The following ASS1 variants were observed in gnomAD, a reference collection of about 807,000 sequenced individuals.
ASS1 encodes argininosuccinate synthase.
A neutral mutation model predicts 60.5 loss-of-function variants in ASS1; 58 were observed. The observed-to-expected ratio is 0.96, with a 90% CI of 0.78 to 1.19. The LOEUF (loss-of-function observed/expected upper bound fraction) is 1.19, where lower values mean the gene tolerates loss of function less well. Among genes scored for constraint, ASS1 ranks in the 50% most tolerant of loss-of-function variants. The pLI, the probability that ASS1 is intolerant of heterozygous loss-of-function variation, is 0.00. For missense variants in ASS1, 454 were observed against 547.3 expected (o/e 0.83, Z 1.70); for synonymous variants, 200 against 206.9 (o/e 0.97, Z 0.29).
At chr9:130,455,050 A>G (rs1845415334) in intron 3 of ASS1, among the ~76,000 whole-genome samples, 3 of 145,804 alleles carry the variant, frequency 2.1e-5, no homozygotes, top group South Asian at 2.2e-4. Flanking sequence ...CCATTCATCC[A>G]TCATCCATCC....
chr9:130,482,581 T>A (rs1288698705), intron 11 of ASS1, among the ~76,000 whole-genome samples: 1 of 149,994 alleles, frequency 6.7e-6, no homozygotes, highest in African/African-American at 2.5e-5. Flanking sequence ...TCCTGTGGGG[T>A]GGGGCGAGTC....
At chr9:130,462,806 C>G (rs936828126) in intron 4 of ASS1, among the ~76,000 whole-genome samples, 2 of 152,218 alleles carry the variant, frequency 1.3e-5, no homozygotes, top group Admixed American at 6.5e-5. Context: ...CCTCCTGGGG[C>G]TGCTCAAAGG....
rs1356550166 is a variant in ASS1, at chr9:130,494,698, G to C, written c.971-169G>C. 2.0e-5 allele frequency among the ~76,000 whole-genome samples: 3 copies of C among 152,246 alleles called. No individual in the cohort carries two copies. Among genetic ancestry groups the C allele is most frequent in the African/African-American group, 7.2e-5 (3 of 41,464 alleles). ...TTAGAGGGCAGGGCTATGAAAGCAT[G>C]GTCCTCAACTCAGCCACTGGCAAGC... On this transcript the variant is annotated intron_variant, in intron 12 of 14. Transcript: ENST00000352480. The surrounding 1 kb of genome is among the most constrained non-coding windows in gnomAD (Gnocchi z 4.3).
intron 5 of ASS1, among the ~76,000 whole-genome samples, chr9:130,465,847 G>A (rs1845726852): frequency 6.6e-6 from 1 of 152,236 alleles, no homozygotes; most frequent in Middle Eastern, 3.2e-3. Flanking sequence ...TGCTGCCAGC[G>A]AGGCCGCAGG....
chr9:130,444,983 C>A lies in ASS1; in HGVS notation c.-18C>A, dbSNP rs928811509. 1 of 191,156 alleles carries A rather than the reference C, an allele frequency of 5.2e-6. No homozygotes were observed. The highest frequency in any genetic ancestry group is 1.8e-4 in the South Asian group (1 of 5,614). The allele number at this position is 191,156 out of a possible 1,614,324, so 11.8% of individuals were successfully genotyped here. ...AGTCCTGCTCTGCCGCCTGCCACCG[C>A]TGCCCGAGCCCGGTAAGGAGCCCTC... On this transcript the variant is annotated 5_prime_UTR_variant, in exon 1 of 15. In the 5' UTR this introduces an upstream ATG that the reference lacks. Transcript: ENST00000352480. This position sits in a 1 kb window ranked among gnomAD's most constrained non-coding sequence, Gnocchi z 4.7.
At chr9:130,472,293 CG>C (rs1554722604) in intron 8 of ASS1, among the ~76,000 whole-genome samples, 2 of 152,032 alleles carry the variant, frequency 1.3e-5, no homozygotes, top group Admixed American at 6.5e-5. Flanking sequence ...GGAGGGTGCC[CG>C]GGGAGGTTTG....
rs79897283 is a variant in ASS1 at position 130,462,713 on chromosome 9, C to T, written c.364-1398C>T. ...GGCTGTCTTTTAGTTGCTCCAGGAACGGGGCCGGCTGGGGGTCAGCAGGCA... is the reference window on the plus strand; with the variant it reads ...GGCTGTCTTTTAGTTGCTCCAGGAATGGGGCCGGCTGGGGGTCAGCAGGCA... On this transcript the variant is annotated intron_variant, in intron 4 of 14. Transcript: ENST00000352480. Among the ~76,000 whole-genome samples the T allele has an allele frequency of 2.3e-3, 352 of 152,270 alleles. 13 individuals carry two copies. The East Asian group carries it at 0.065, about 28-fold the overall frequency.
chr9:130,461,486 A>G (rs904623707), intron 4 of ASS1, among the ~76,000 whole-genome samples: 4 of 152,126 alleles, frequency 2.6e-5, no homozygotes, highest in African/African-American at 9.7e-5. Flanking sequence ...AGCTAGTGCT[A>G]TGGCCGCTCG....
In ASS1 at chr9:130,478,529, C is replaced by G. The variant is rs1406417875; in HGVS notation, c.689-1187C>G. Among the ~76,000 whole-genome samples the G allele has an allele frequency of 6.6e-6, 1 of 152,216 alleles. No individual in the cohort carries two copies. Among genetic ancestry groups the G allele is most frequent in the Non-Finnish European group, 1.5e-5 (1 of 68,040 alleles). ...AAGAAAAAAAGACCGGAGGAACCCT[C>G]CCCTGGCTAGTGCCCATTCACTCTC... On this transcript the variant is annotated intron_variant, in intron 9 of 14. Transcript: ENST00000352480. The surrounding 1 kb of genome is among the most constrained non-coding windows in gnomAD (Gnocchi z 4.7).
In ASS1 at chr9:130,453,687, G is replaced by A. The variant is rs1421388299; in HGVS notation, c.106-618G>A. On this transcript the variant is annotated intron_variant, in intron 2 of 14. Coordinates refer to ENST00000352480, the MANE Select transcript of ASS1 (RefSeq NM_054012.4). ...GCAAGATTCCAGGGTCTGGTGAGCC[G>A]AATGAAGGGAGTGAGGGCTGAGGCC... Among the ~76,000 whole-genome samples, 18 of 152,358 alleles carry A rather than the reference G, an allele frequency of 1.2e-4. No individual in the cohort carries two copies. In the South Asian group the frequency reaches 3.5e-3, roughly 30 times the overall value.
At chr9:130,448,444 ACT>A (rs1328079988) in intron 1 of ASS1, among the ~76,000 whole-genome samples, 1 of 146,400 alleles carries the variant, frequency 6.8e-6, no homozygotes, top group Non-Finnish European at 1.5e-5. Context: ...ACACACACAC[ACT>A]GTCTCAGGTA....
Position 130,480,421 on chromosome 9 carries a change from G to A in ASS1, c.810G>A (p.Glu270=). The part of the protein sequence containing the change: ...KHGVGRIDIV[E]NRFIGMKSRG... ...GCGTGGGCCGTATTGACATCGTGGA[G>A]AACCGCTTCATTGGAATGAAGTCCC... is the stretch of plus-strand genomic sequence containing the variant. The change falls in exon 11 of 15, where the codon GAG becomes GAA. Residue 270 remains glutamate, a synonymous_variant. Coordinates refer to ENST00000352480, the MANE Select transcript of ASS1 (RefSeq NM_054012.4). 1 of 1,614,182 alleles carries A rather than the reference G, an allele frequency of 6.2e-7. No individual in the cohort carries two copies. Among genetic ancestry groups the A allele is most frequent in the Non-Finnish European group, 8.5e-7 (1 of 1,180,038 alleles).
chr9:130,451,348 G>A (rs12685110), intron 1 of ASS1, among the ~76,000 whole-genome samples: 41,442 of 152,064 alleles, frequency 0.27, 6,006 homozygotes, highest in East Asian at 0.34. Context: ...GGGAAGGGCC[G>A]CTGGTTGCAG....
intron 6 of ASS1, among the ~76,000 whole-genome samples, chr9:130,468,792 G>A (rs1041030856): frequency 5.9e-5 from 9 of 152,078 alleles, no homozygotes; most frequent in African/African-American, 2.2e-4. Context: ...GCCCAGCCTG[G>A]CTATAATTAT....
intron 14 of ASS1, among the ~76,000 whole-genome samples, chr9:130,500,644 CTGTT>C (rs545058207): frequency 3.9e-5 from 6 of 152,122 alleles, no homozygotes; most frequent in Non-Finnish European, 8.8e-5. Flanking sequence ...CCTGCGCCCT[CTGTT>C]TGTATTTTAT....
chr9:130,495,134 A>G lies in ASS1; in HGVS notation c.1127+111A>G, dbSNP rs146650013. 337 of 1,408,546 alleles carry G rather than the reference A, an allele frequency of 2.4e-4. No individual in the cohort carries two copies. The African/African-American group carries it at 2.4e-3, about 10-fold the overall frequency. The allele number at this position is 1,408,546 out of a possible 1,614,324, so 87.3% of individuals were successfully genotyped here. A position where few individuals can be genotyped will look rare whatever the true frequency, so the allele number is the denominator to read the frequency against. The stretch of plus-strand genomic sequence containing the variant: ...ACATGTCAGGCACCATGCAGAGCAC[A>G]GAGTGATGGTCACAGAGGATATAGA... On this transcript the variant is annotated intron_variant, in intron 13 of 14. Coordinates refer to ENST00000352480, the MANE Select transcript of ASS1 (RefSeq NM_054012.4).
In ASS1 at chr9:130,476,512, C is replaced by T. The variant is rs566458133; in HGVS notation, c.598-359C>T. On this transcript the variant is annotated intron_variant, in intron 8 of 14. Coordinates refer to ENST00000352480, the MANE Select transcript of ASS1 (RefSeq NM_054012.4). The surrounding 1 kb of genome is among the most constrained non-coding windows in gnomAD (Gnocchi z 4.9). ...AACCCCAATCCCGAGCCGGCGAGAG[C>T]GTGCGTGCCGCTCCTGGGAAGCCCT... 1.2e-5 allele frequency: 5 copies of T among 421,910 alleles called. No individual in the cohort carries two copies. Among genetic ancestry groups the T allele is most frequent in the South Asian group, 4.5e-5 (2 of 44,464 alleles). The allele number at this position is 421,910 out of a possible 1,614,324, so 26.1% of individuals were successfully genotyped here. A position where few individuals can be genotyped will look rare whatever the true frequency, so the allele number is the denominator to read the frequency against.
chr9:130,458,610 C>CGGGCAGAGGGAGATGG (rs1564904065), intron 4 of ASS1, 21 bp downstream of exon 4: 7 of 1,608,852 alleles, frequency 4.4e-6, no homozygotes, highest in Non-Finnish European at 5.9e-6. Flanking sequence ...TGGGAAGGGC[C>CGGGCAGAGGGAGATGG]GGGCAGAGGG....
chr9:130,463,428 T>C (rs1326238070), intron 4 of ASS1, among the ~76,000 whole-genome samples: 1 of 152,310 alleles, frequency 6.6e-6, no homozygotes, highest in South Asian at 2.1e-4. Flanking sequence ...CCACAGAGGA[T>C]GCAGGCGAGG....
Sources: allele counts gnomAD v4.1 joint callset (sites outside exome capture counted in the v4.1 genomes callset), GRCh38; gene constraint gnomAD v4.1.1; non-coding constraint Gnocchi (gnomAD v3.1); transcripts MANE v1.5; gene names NCBI Gene and HGNC (gene_info 2026-07-23, HGNC 2026-07-21).